ATP6V1H: variants seen among roughly 807,000 people sequenced by gnomAD.
The protein encoded by ATP6V1H is ATPase H+ transporting V1 subunit H, also known as V-type proton ATPase subunit H.
A neutral mutation model predicts 71.7 loss-of-function variants in ATP6V1H; 39 were observed. The observed-to-expected ratio is 0.54, with a 90% CI of 0.42 to 0.71. ATP6V1H has a LOEUF of 0.71. ATP6V1H is among the 30% of genes least tolerant of loss of function. The probability of loss-of-function intolerance (pLI) is 0.00; values close to 1 mark genes in which losing one functional copy is unlikely to be tolerated. For synonymous variants in ATP6V1H, 192 were observed against 199.3 expected (o/e 0.96, Z 0.31); for missense variants, 509 against 594.9 (o/e 0.86, Z 1.50).
In ATP6V1H at chr8:53,789,540, T is replaced by A. The variant is rs189499280; in HGVS notation, c.870+6107A>T. Among the ~76,000 whole-genome samples the A allele has an allele frequency of 2.2e-3, 334 of 152,190 alleles. 2 individuals are homozygous for A. Among genetic ancestry groups the A allele is most frequent in the African/African-American group, 7.8e-3 (323 of 41,540 alleles). Reference sequence around the variant, plus strand: ...TCATAGAAACTTGCAGCACTTAAAATATTCTAAATAATACCTTTAAAAGCC... The same window carrying A: ...TCATAGAAACTTGCAGCACTTAAAAAATTCTAAATAATACCTTTAAAAGCC... On this transcript the variant is annotated intron_variant, in intron 9 of 13. Coordinates refer to ENST00000359530, the MANE Select transcript of ATP6V1H (RefSeq NM_015941.4).
intron 12 of ATP6V1H, among the ~76,000 whole-genome samples, chr8:53,753,061 A>G (rs58542145): frequency 0.024 from 3,611 of 151,628 alleles, 121 homozygotes; most frequent in African/African-American, 0.081. Context: ...ACAACCCTAT[A>G]ACCATGAGAG....
Position 53,824,170 on chromosome 8 carries a change from C to T in ATP6V1H, c.306+5274G>A, listed in dbSNP as rs138654869. On this transcript the variant is annotated intron_variant, in intron 4 of 13. Transcript: ENST00000359530. The stretch of plus-strand genomic sequence containing the variant: ...GAGAAAATACAGATTACCAAAATTA[C>T]CACCATTTGAGATAGAAAGCTTCAA... Among the ~76,000 whole-genome samples the T allele has an allele frequency of 2.3e-3, 345 of 152,178 alleles. 2 individuals are homozygous for T. Among genetic ancestry groups the T allele is most frequent in the African/African-American group, 7.9e-3 (328 of 41,538 alleles).
Position 53,770,400 on chromosome 8 carries a change from G to A in ATP6V1H, c.1050-657C>T, listed in dbSNP as rs188365823. 3.9e-5 allele frequency among the ~76,000 whole-genome samples: 6 copies of A among 152,246 alleles called. No homozygotes were observed. In the East Asian group the frequency reaches 1.2e-3, roughly 29 times the overall value. On this transcript the variant is annotated intron_variant, in intron 10 of 13. Transcript: ENST00000359530. ...GCTTTACAGTAGGAAAATGTTTAAT[G>A]TGGTTAGCCAGTAGACAAACACAGT... is the stretch of plus-strand genomic sequence containing the variant.
intron 13 of ATP6V1H, among the ~76,000 whole-genome samples, chr8:53,730,117 G>A (rs944788212): frequency 3.9e-5 from 6 of 152,276 alleles, no homozygotes; most frequent in Admixed American, 2.6e-4. Context: ...TAGAAACCAC[G>A]CAAGAATGGG....
chr8:53,739,196 AATGTT>A (rs1423038631), intron 13 of ATP6V1H, among the ~76,000 whole-genome samples: 3 of 152,190 alleles, frequency 2.0e-5, no homozygotes, highest in Non-Finnish European at 4.4e-5. Context: ...TAAATCTAGA[AATGTT>A]ATGTTTATTA....
intron 8 of ATP6V1H, 50 bp downstream of exon 8, chr8:53,801,749 G>GGA (rs774103976): frequency 6.9e-5 from 98 of 1,411,784 alleles, no homozygotes; most frequent in Non-Finnish European, 9.4e-5. Flanking sequence ...AAAATGTCAA[G>GGA]GAGAGATGCT....
Position 53,829,590 on chromosome 8 carries a change from G to A in ATP6V1H, c.217-57C>T, listed in dbSNP as rs1354668745. On this transcript the variant is annotated intron_variant, in intron 3 of 13. Transcript: ENST00000359530. Reference sequence around the variant, plus strand: ...TTTTATTTGCAGACACATTTCAATGGAACTTCAGTAAAACATTGTCTCTCT... The same window carrying A: ...TTTTATTTGCAGACACATTTCAATGAAACTTCAGTAAAACATTGTCTCTCT... 1.5e-5 allele frequency: 16 copies of A among 1,072,784 alleles called. No individual in the cohort carries two copies. The Admixed American group carries it at 3.7e-4, about 25-fold the overall frequency. 66.5% of individuals were successfully genotyped at this position (1,072,784 alleles called of 1,614,324 possible).
chr8:53,755,734 A>T (rs1563451235), intron 12 of ATP6V1H, among the ~76,000 whole-genome samples: 2 of 4,146 alleles, frequency 4.8e-4, no homozygotes, highest in African/African-American at 3.8e-3. Context: ...ATATATATAT[A>T]TATATATATA....
chr8:53,811,308 C>T (rs1810267123), intron 6 of ATP6V1H, 91 bp from the exon 7 acceptor site: 2 of 1,042,522 alleles, frequency 1.9e-6, no homozygotes, highest in South Asian at 2.8e-5. Flanking sequence ...AAACTTTTCC[C>T]CTAATTCTAT....
At chr8:53,745,615 G>T (rs958841720) in intron 12 of ATP6V1H, among the ~76,000 whole-genome samples, 3 of 151,628 alleles carry the variant, frequency 2.0e-5, no homozygotes, top group Non-Finnish European at 4.4e-5. Flanking sequence ...TTCTCCATAG[G>T]CACGTAACAG....
chr8:53,757,560 T>C lies in ATP6V1H; in HGVS notation c.1176-904A>G, dbSNP rs569445041. ...TTCTAAAAGCAGAGCGTAACTGTGATAACCAGTCAGAATGAATGTTTTTTA... is the reference window on the plus strand; with the variant it reads ...TTCTAAAAGCAGAGCGTAACTGTGACAACCAGTCAGAATGAATGTTTTTTA... On this transcript the variant is annotated intron_variant, in intron 11 of 13. Coordinates refer to ENST00000359530, the MANE Select transcript of ATP6V1H (RefSeq NM_015941.4). Among the ~76,000 whole-genome samples the C allele has an allele frequency of 3.9e-5, 6 of 152,344 alleles. No individual in the cohort carries two copies. In the East Asian group the frequency reaches 1.2e-3, roughly 29 times the overall value.
chr8:53,798,247 C>G (rs1809805000), intron 8 of ATP6V1H, among the ~76,000 whole-genome samples: 1 of 151,986 alleles, frequency 6.6e-6, no homozygotes, highest in Non-Finnish European at 1.5e-5. Flanking sequence ...AGTTATCGGC[C>G]AGGCAAGGTG....
At chr8:53,724,460 C>T (rs1277412731) in intron 13 of ATP6V1H, among the ~76,000 whole-genome samples, 1 of 152,056 alleles carries the variant, frequency 6.6e-6, no homozygotes, top group Non-Finnish European at 1.5e-5. Flanking sequence ...GATTTCATTT[C>T]CCAGTTCCTT....
In ATP6V1H at chr8:53,769,622, A is replaced by G. The variant is rs1808585252; in HGVS notation, c.1171T>C (p.Leu391=). ...AAAGTAGAACAAAAAACTTACTTCA[A>G]GAGTTCATAATTCTTCTCATTTAAC... The part of the protein sequence containing the change: ...VRLNEKNYEL[L]KILTKLLEVS... The change falls in exon 11 of 14, where the codon TTG becomes CTG. Residue 391 remains leucine, a synonymous_variant. Transcript: ENST00000359530. 6.2e-7 allele frequency: 1 copy of G among 1,611,684 alleles called. No individual in the cohort carries two copies.
At position 53,785,125 on chromosome 8, in the gene ATP6V1H, CAG is replaced by C. The variant is rs891943200; in HGVS notation, c.870+10520_870+10521del. On this transcript the variant is annotated intron_variant, in intron 9 of 13. Coordinates refer to ENST00000359530, the MANE Select transcript of ATP6V1H (RefSeq NM_015941.4). Reference sequence around the variant, plus strand: ...GGAAGTTCTCCTGGATAATATCCTGCAGAGTGTTTTCCAACTTGGTTCCATTC... The same window carrying C: ...GGAAGTTCTCCTGGATAATATCCTGCAGTGTTTTCCAACTTGGTTCCATTC... Among the ~76,000 whole-genome samples, 151 of 152,010 alleles carry C rather than the reference CAG, an allele frequency of 9.9e-4. 1 individual carries two copies. The highest frequency in any genetic ancestry group is 3.5e-3 in the African/African-American group (146 of 41,460).
At position 53,743,684 on chromosome 8, in the gene ATP6V1H, G is replaced by C; in HGVS notation, c.1284C>G (p.Ile428Met). Residue 428 changes from isoleucine to methionine, a missense_variant, in exon 13 of 14, where the codon ATC (isoleucine) becomes ATG (methionine). Transcript: ENST00000359530. The stretch of plus-strand genomic sequence containing the variant: ...CCAGCTGCTTCCCACCGAGCTGCTC[G>C]ATGACCCTGCAAACGGGAGAGACGT... Reference protein sequence around the residue: ...VRHYPRGKRVIEQLGGKQLVM... With the variant: ...VRHYPRGKRVMEQLGGKQLVM... The C allele has an allele frequency of 6.2e-7, 1 of 1,606,848 alleles. No homozygotes were observed. The highest frequency in any genetic ancestry group is 8.5e-7 in the Non-Finnish European group (1 of 1,174,678).
chr8:53,774,953 T>A (rs1808809660), intron 9 of ATP6V1H, among the ~76,000 whole-genome samples: 1 of 152,202 alleles, frequency 6.6e-6, no homozygotes, highest in Non-Finnish European at 1.5e-5. Context: ...ACCAATGACC[T>A]ATGCAACGCA....
At chr8:53,839,193 C>T (rs527991032) in intron 2 of ATP6V1H, among the ~76,000 whole-genome samples, 4 of 152,294 alleles carry the variant, frequency 2.6e-5, no homozygotes, top group South Asian at 2.1e-4. Context: ...CAAATGCCAA[C>T]GTTAGGCGGA....
intron 5 of ATP6V1H, 60 bp from the exon 6 acceptor site, chr8:53,814,826 C>A (rs1810395005): frequency 1.7e-6 from 2 of 1,171,120 alleles, no homozygotes; most frequent in South Asian, 1.4e-5. Context: ...ACATCATATA[C>A]CTTAAAAAAA....
Sources: allele counts gnomAD v4.1 joint callset (sites outside exome capture counted in the v4.1 genomes callset), GRCh38; gene constraint gnomAD v4.1.1; transcripts MANE v1.5; gene names NCBI Gene and HGNC (gene_info 2026-07-23, HGNC 2026-07-21).